Variants in PCCA observed in about 807,000 individuals in gnomAD.
PCCA encodes the protein propionyl-CoA carboxylase subunit alpha.
In PCCA, 74 loss-of-function variants were observed where a neutral mutation model predicts 101.3. That is an observed-to-expected ratio of 0.73 (90% confidence interval 0.61 to 0.89). The LOEUF (loss-of-function observed/expected upper bound fraction) is 0.89, where lower values mean the gene tolerates loss of function less well. Ranked by LOEUF, PCCA falls within the 40% of genes least tolerant of loss-of-function variation. PCCA has a pLI of 0.00. For synonymous variants in PCCA, 294 were observed against 313.6 expected, an observed-to-expected ratio of 0.94 and a Z score of 0.66; for missense variants, 891 against 907.0, an observed-to-expected ratio of 0.98 and a Z score of 0.23.
intron 6 of PCCA, among the ~76,000 whole-genome samples, chr13:100,158,580 C>T (rs2152389072): frequency 6.6e-6 from 1 of 151,914 alleles, no homozygotes; most frequent in East Asian, 1.9e-4. Flanking sequence ...TTTTATCTTC[C>T]TTGGAATTTT....
chr13:100,490,625 G>A (rs916314157), intron 21 of PCCA: 2 of 152,198 alleles, frequency 1.3e-5, no homozygotes, highest in African/African-American at 4.8e-5. Context: ...GCAGTTCAAT[G>A]AGTTCTCGTA....
intron 19 of PCCA, among the ~76,000 whole-genome samples, chr13:100,381,148 G>A (rs1344363110): frequency 2.0e-5 from 3 of 152,216 alleles, no homozygotes; most frequent in Non-Finnish European, 4.4e-5. Flanking sequence ...ACTTTGGGAG[G>A]CTGAGGCAGG....
chr13:100,296,415 T>G (rs2065531392), intron 12 of PCCA, among the ~76,000 whole-genome samples: 1 of 149,022 alleles, frequency 6.7e-6, no homozygotes, highest in Admixed American at 6.6e-5. Flanking sequence ...GATTTTTTTG[T>G]ATTTTTTTTT....
chr13:100,234,475 A>C (rs1026584444), intron 7 of PCCA, among the ~76,000 whole-genome samples: 2 of 99,764 alleles, frequency 2.0e-5, no homozygotes, highest in Non-Finnish European at 4.8e-5. Flanking sequence ...TGCTTGGAGT[A>C]AAAAAAAAAA....
chr13:100,470,922 A>G (rs1009299573), intron 21 of PCCA, among the ~76,000 whole-genome samples: 5 of 152,266 alleles, frequency 3.3e-5, no homozygotes, highest in Non-Finnish European at 1.5e-5. Context: ...CCTATCATCC[A>G]TGTGTTCACT....
At chr13:100,115,714 A>G (rs2048734036) in intron 4 of PCCA, among the ~76,000 whole-genome samples, 1 of 152,202 alleles carries the variant, frequency 6.6e-6, no homozygotes, top group South Asian at 2.1e-4. Flanking sequence ...ACTTTGCAAA[A>G]GTGGTTTCAA....
At chr13:100,470,509 T>TAC (rs1004996368) in intron 21 of PCCA, among the ~76,000 whole-genome samples, 3 of 152,122 alleles carry the variant, frequency 2.0e-5, no homozygotes, top group African/African-American at 7.2e-5. Context: ...CTAGCATTTG[T>TAC]ACAAGACCCC....
chr13:100,347,328 G>T (rs1208937072), intron 18 of PCCA, among the ~76,000 whole-genome samples: 1 of 152,182 alleles, frequency 6.6e-6, no homozygotes, highest in Non-Finnish European at 1.5e-5. Context: ...CATTGCAGTG[G>T]TCTGGAACTG....
chr13:100,158,229 C>T (rs1316827855), intron 6 of PCCA, among the ~76,000 whole-genome samples: 1 of 152,192 alleles, frequency 6.6e-6, no homozygotes, highest in Non-Finnish European at 1.5e-5. Context: ...GTTAAAAATA[C>T]AGTATTAGAA....
At chr13:100,308,100 G>A (rs189742264) in intron 15 of PCCA, among the ~76,000 whole-genome samples, 1 of 152,074 alleles carries the variant, frequency 6.6e-6, no homozygotes, top group Non-Finnish European at 1.5e-5. Context: ...TGATCCGCCC[G>A]CCTCGGCCTC....
chr13:100,212,492 A>T (rs979554595), intron 7 of PCCA, among the ~76,000 whole-genome samples: 2 of 152,206 alleles, frequency 1.3e-5, no homozygotes, highest in African/African-American at 4.8e-5. Flanking sequence ...GGCTAGAAAC[A>T]TAGAGTAATT....
intron 6 of PCCA, among the ~76,000 whole-genome samples, chr13:100,192,919 T>G (rs1268813255): frequency 6.6e-6 from 1 of 152,196 alleles, no homozygotes; most frequent in Admixed American, 6.5e-5. Flanking sequence ...ATTGTTTTTA[T>G]TTTTTGGTAC....
intron 21 of PCCA, among the ~76,000 whole-genome samples, chr13:100,497,017 G>A (rs766190747): frequency 5.9e-5 from 9 of 152,196 alleles, no homozygotes; most frequent in Admixed American, 1.3e-4. Flanking sequence ...TTGTTCTCAC[G>A]GGAGGCTGGA....
At chr13:100,217,231 G>A (rs1196694570) in intron 7 of PCCA, among the ~76,000 whole-genome samples, 16 of 152,118 alleles carry the variant, frequency 1.1e-4, no homozygotes, top group Non-Finnish European at 2.2e-4. Context: ...TGGATCATGA[G>A]GTCAGGAGTT....
chr13:100,398,928 A>C (rs2077187803), intron 19 of PCCA, among the ~76,000 whole-genome samples: 1 of 152,162 alleles, frequency 6.6e-6, no homozygotes, highest in South Asian at 2.1e-4. Flanking sequence ...GAAGAAATTA[A>C]AGATTGCTGT....
chr13:100,274,066 CT>C (rs2063484203), intron 12 of PCCA, among the ~76,000 whole-genome samples: 1 of 152,124 alleles, frequency 6.6e-6, no homozygotes, highest in Non-Finnish European at 1.5e-5. Context: ...ACAGCCAGCT[CT>C]TTTTACACTA....
At chr13:100,456,450 CAA>C (rs1283847023) in intron 21 of PCCA, among the ~76,000 whole-genome samples, 1 of 152,076 alleles carries the variant, frequency 6.6e-6, no homozygotes, top group Non-Finnish European at 1.5e-5. Context: ...AGACACAAGA[CAA>C]AGAGATAAAG....
intron 15 of PCCA, 50 bp from the exon 16 acceptor site, chr13:100,309,783 A>G (rs2066760006): frequency 1.8e-6 from 2 of 1,137,936 alleles, no homozygotes; most frequent in Non-Finnish European, 2.6e-6. Context: ...ATCATTTAAC[A>G]TAGTTCTAAA....
Position 100,224,507 on chromosome 13 carries a change from G to T in PCCA, c.601-11335G>T, listed in dbSNP as rs499180. On this transcript the variant is annotated intron_variant, in intron 7 of 23. Transcript: ENST00000376285. The stretch of plus-strand genomic sequence containing the variant: ...CCAGAAAGGGGCTCCCACAGTGCAG[G>T]GGTGGGCTGATCAGGTCCCTCAAGT... 5.9e-5 allele frequency among the ~76,000 whole-genome samples: 9 copies of T among 152,188 alleles called. No homozygotes were observed. In the South Asian group the frequency reaches 1.5e-3, roughly 25 times the overall value.
Sources: allele counts gnomAD v4.1 joint callset (sites outside exome capture counted in the v4.1 genomes callset), GRCh38; gene constraint gnomAD v4.1.1; transcripts MANE v1.5; gene names NCBI Gene and HGNC (gene_info 2026-07-23, HGNC 2026-07-21).